The following RPS6KA2 variants were observed in gnomAD, a reference collection of about 807,000 sequenced individuals.
RPS6KA2 encodes ribosomal protein S6 kinase A2.
Under a neutral mutation model 91.8 loss-of-function variants are expected in RPS6KA2, and 42 were observed. That is an observed-to-expected ratio of 0.46 (90% CI 0.36 to 0.59). The LOEUF is 0.59. RPS6KA2 is among the 20% of genes least tolerant of loss of function. The pLI is 0.00. For synonymous variants in RPS6KA2, 414 were observed against 393.6 expected (o/e 1.05, Z -0.61); for missense variants, 798 against 978.5 (o/e 0.82, Z 2.46).
At chr6:166,520,594 C>T (rs1782823118) in intron 3 of RPS6KA2, among the ~76,000 whole-genome samples, 1 of 152,188 alleles carries the variant, frequency 6.6e-6, no homozygotes, top group South Asian at 2.1e-4. Context: ...AAGTGGGATG[C>T]CCCTATAATA....
chr6:166,603,868 C>T lies in RPS6KA2; in HGVS notation c.99+23053G>A, dbSNP rs1041080029. Among the ~76,000 whole-genome samples the T allele has an allele frequency of 5.3e-5, 8 of 152,276 alleles. No individual in the cohort carries two copies. The South Asian group carries it at 1.0e-3, about 20-fold the overall frequency. ...AAAGACCCCCTCAGCACCCACCAAA[C>T]GGGCAATCGAGGTTGTTTTAGGCAG... On this transcript the variant is annotated intron_variant, in intron 1 of 20. Coordinates refer to ENST00000265678, the MANE Select transcript of RPS6KA2 (RefSeq NM_021135.6). The surrounding 1 kb of genome is among the most constrained non-coding windows in gnomAD (Gnocchi z 4.3).
chr6:166,563,725 C>T lies in RPS6KA2; in HGVS notation c.100-24941G>A, dbSNP rs902621195. 2.6e-5 allele frequency among the ~76,000 whole-genome samples: 4 copies of T among 152,194 alleles called. No homozygotes were observed. Among genetic ancestry groups the T allele is most frequent in the African/African-American group, 9.7e-5 (4 of 41,440 alleles). On this transcript the variant is annotated intron_variant, in intron 1 of 20. Coordinates refer to ENST00000265678, the MANE Select transcript of RPS6KA2 (RefSeq NM_021135.6). The surrounding 1 kb of genome is among the most constrained non-coding windows in gnomAD (Gnocchi z 4.1). The stretch of plus-strand genomic sequence containing the variant: ...ATTTAAGCCAATTTAAATATTTCAG[C>T]AATTGATAAGTAACTCAGCTTTTAT...
At chr6:166,688,640 G>A (rs1265497505) in intron 2 of RPS6KA2, among the ~76,000 whole-genome samples, 1 of 152,232 alleles carries the variant, frequency 6.6e-6, no homozygotes, top group Non-Finnish European at 1.5e-5. Context: ...CCCCAGGTAG[G>A]GGGCGGGAAG....
intron 3 of RPS6KA2, among the ~76,000 whole-genome samples, chr6:166,529,576 A>G (rs1024611574): frequency 1.2e-4 from 18 of 152,236 alleles, no homozygotes; most frequent in Non-Finnish European, 8.8e-5. Context: ...ATTAAAAAAA[A>G]AAGTTCACTC....
intron 1 of RPS6KA2, chr6:166,585,991 G>C (rs1785157274): frequency 4.1e-6 from 2 of 485,008 alleles, no homozygotes; most frequent in Non-Finnish European, 6.4e-6. Flanking sequence ...TTTTTTTAAA[G>C]TCTCAACTTC....
chr6:166,515,008 C>T (rs971482487), intron 3 of RPS6KA2, among the ~76,000 whole-genome samples: 2 of 152,116 alleles, frequency 1.3e-5, no homozygotes, highest in Admixed American at 6.5e-5. Context: ...CAGATGCGAA[C>T]GCCCACCCCA....
At chr6:166,580,049 A>C (rs1178551994) in intron 1 of RPS6KA2, among the ~76,000 whole-genome samples, 1 of 152,264 alleles carries the variant, frequency 6.6e-6, no homozygotes, top group Admixed American at 6.5e-5. Flanking sequence ...TCTATGACTC[A>C]GCCCGGAGGT....
intron 1 of RPS6KA2, among the ~76,000 whole-genome samples, chr6:166,610,414 CA>C (rs1339360569): frequency 6.6e-6 from 1 of 152,122 alleles, no homozygotes; most frequent in East Asian, 1.9e-4. Context: ...TCGGCTGTAG[CA>C]AAAATCAAGA....
chr6:166,492,894 T>C (rs1310236669), intron 8 of RPS6KA2, among the ~76,000 whole-genome samples: 1 of 141,842 alleles, frequency 7.1e-6, no homozygotes, highest in African/African-American at 2.7e-5. Context: ...TTTTGTATTT[T>C]TTTTTTTTTT....
rs114996064 is a variant in RPS6KA2 at position 166,543,211 on chromosome 6, A to G, written c.100-4427T>C. Reference sequence around the variant, plus strand: ...TATAAACGCTTAATGACAGAGTACCACATCGCAAGTCATTCTCTCAAGGCA... The same window carrying G: ...TATAAACGCTTAATGACAGAGTACCGCATCGCAAGTCATTCTCTCAAGGCA... On this transcript the variant is annotated intron_variant, in intron 1 of 20. Coordinates refer to ENST00000265678, the MANE Select transcript of RPS6KA2 (RefSeq NM_021135.6). Among the ~76,000 whole-genome samples the G allele has an allele frequency of 7.7e-3, 1,167 of 152,294 alleles. 16 individuals carry two copies. Among genetic ancestry groups the G allele is most frequent in the African/African-American group, 0.026 (1,072 of 41,570 alleles).
chr6:166,754,038 C>G (rs751582835), intron 2 of RPS6KA2, among the ~76,000 whole-genome samples: 1 of 152,184 alleles, frequency 6.6e-6, no homozygotes, highest in East Asian at 1.9e-4. Context: ...CGAGCCCCAG[C>G]CACACAAGAC....
intron 2 of RPS6KA2, chr6:166,701,926 T>A: frequency 8.8e-7 from 1 of 1,140,914 alleles, no homozygotes; most frequent in Non-Finnish European, 1.3e-6. Context: ...CTTGCTCAAT[T>A]TTTTTAAGAT....
intron 2 of RPS6KA2, among the ~76,000 whole-genome samples, chr6:166,700,188 T>A (rs1789468530): frequency 6.6e-6 from 1 of 152,328 alleles, no homozygotes; most frequent in Admixed American, 6.5e-5. Context: ...AAACCAGCCG[T>A]TCCAAAATCT....
chr6:166,567,725 C>T (rs895472441), intron 1 of RPS6KA2, among the ~76,000 whole-genome samples: 2 of 152,180 alleles, frequency 1.3e-5, no homozygotes, highest in African/African-American at 2.4e-5. Context: ...AGCACATGCT[C>T]GGCCCTCAGT....
At chr6:166,636,532 TCTC>T (rs1050956006) in intron 2 of RPS6KA2, among the ~76,000 whole-genome samples, 44 of 152,246 alleles carry the variant, frequency 2.9e-4, no homozygotes, top group African/African-American at 1.0e-3. Context: ...TCCACATATT[TCTC>T]CTCCTCCTCC....
intron 2 of RPS6KA2, among the ~76,000 whole-genome samples, chr6:166,837,353 T>C (rs1438577455): frequency 6.6e-6 from 1 of 152,116 alleles, no homozygotes; most frequent in Non-Finnish European, 1.5e-5. Flanking sequence ...ACACTGCAGT[T>C]TTCTCAGCTC....
intron 1 of RPS6KA2, among the ~76,000 whole-genome samples, chr6:166,622,448 T>C (rs530041948): frequency 7.9e-5 from 12 of 152,256 alleles, no homozygotes; most frequent in Middle Eastern, 3.4e-3. Flanking sequence ...GAAAATCCAA[T>C]AAAATTAAGA....
intron 2 of RPS6KA2, among the ~76,000 whole-genome samples, chr6:166,854,145 C>A (rs1396617313): frequency 5.3e-5 from 8 of 152,148 alleles, no homozygotes; most frequent in African/African-American, 1.9e-4. Flanking sequence ...CACAAACTCC[C>A]CCACATCACT....
intron 1 of RPS6KA2, among the ~76,000 whole-genome samples, chr6:166,599,968 C>T (rs752740316): frequency 5.9e-5 from 9 of 152,140 alleles, no homozygotes; most frequent in Non-Finnish European, 1.2e-4. Context: ...CCCAGCCTCC[C>T]CTCCTCCGTA....
Sources: allele counts gnomAD v4.1 joint callset (sites outside exome capture counted in the v4.1 genomes callset), GRCh38; gene constraint gnomAD v4.1.1; non-coding constraint Gnocchi (gnomAD v3.1); transcripts MANE v1.5; gene names NCBI Gene and HGNC (gene_info 2026-07-23, HGNC 2026-07-21).